The following TMEM108 variants were observed in gnomAD, a reference collection of about 807,000 sequenced individuals.
TMEM108 encodes the protein transmembrane protein 108, also known as cancer/testis antigen 124.
A neutral mutation model predicts 35.1 loss-of-function variants in TMEM108; 12 were observed. The observed-to-expected ratio is 0.34, with a 90% CI of 0.22 to 0.55. The LOEUF (loss-of-function observed/expected upper bound fraction) is 0.55. Ranked by LOEUF, TMEM108 falls within the 20% of genes least tolerant of loss-of-function variation. The pLI is 0.89. For missense variants in TMEM108, 680 were observed against 753.3 expected (o/e 0.90, Z 1.14); for synonymous variants, 287 against 308.6 (o/e 0.93, Z 0.73).
chr3:133,324,390 T>C (rs532022589), intron 3 of TMEM108, among the ~76,000 whole-genome samples: 1 of 152,262 alleles, frequency 6.6e-6, no homozygotes, highest in African/African-American at 2.4e-5. Context: ...AAAGAAGATA[T>C]ACAGATGGCC....
intron 2 of TMEM108, among the ~76,000 whole-genome samples, chr3:133,090,748 A>G (rs1297755086): frequency 1.3e-5 from 2 of 152,148 alleles, no homozygotes; most frequent in African/African-American, 4.8e-5. Flanking sequence ...ATAGGGATAT[A>G]TTTTTATTTT....
intron 2 of TMEM108, among the ~76,000 whole-genome samples, chr3:133,200,384 C>T (rs540723703): frequency 1.8e-4 from 28 of 152,264 alleles, no homozygotes; most frequent in African/African-American, 4.8e-4. Context: ...AACCAGAAAG[C>T]GAGCTCAGCC....
At chr3:133,116,913 G>T (rs1382624315) in intron 2 of TMEM108, among the ~76,000 whole-genome samples, 1 of 152,080 alleles carries the variant, frequency 6.6e-6, no homozygotes, top group Non-Finnish European at 1.5e-5. Flanking sequence ...GAGACTACGG[G>T]CGTGCACTAC....
At chr3:133,078,286 T>C (rs925228096) in intron 2 of TMEM108, among the ~76,000 whole-genome samples, 1 of 152,164 alleles carries the variant, frequency 6.6e-6, no homozygotes, top group African/African-American at 2.4e-5. Context: ...CTCAGTCCTT[T>C]CGGACATGCA....
chr3:133,056,657 C>T (rs1417640839), intron 2 of TMEM108, among the ~76,000 whole-genome samples: 2 of 152,208 alleles, frequency 1.3e-5, no homozygotes, highest in Non-Finnish European at 2.9e-5. Flanking sequence ...TTCACACCTT[C>T]CCTAACCACA....
intron 3 of TMEM108, among the ~76,000 whole-genome samples, chr3:133,229,913 C>G (rs773518141): frequency 3.9e-5 from 6 of 152,166 alleles, no homozygotes; most frequent in Non-Finnish European, 7.3e-5. Context: ...TTATGACTTT[C>G]TTTTTGCACA....
chr3:133,084,857 C>T (rs1372190234), intron 2 of TMEM108, among the ~76,000 whole-genome samples: 4 of 152,118 alleles, frequency 2.6e-5, no homozygotes, highest in Admixed American at 6.6e-5. Context: ...TCAAGACCAG[C>T]TCTTTTATTA....
intron 3 of TMEM108, among the ~76,000 whole-genome samples, chr3:133,254,856 C>G (rs1167281882): frequency 6.6e-6 from 1 of 152,114 alleles, no homozygotes; most frequent in South Asian, 2.1e-4. Flanking sequence ...GCTAGATGGC[C>G]TGAAGGCTGA....
At chr3:133,266,716 G>C (rs748042562) in intron 3 of TMEM108, among the ~76,000 whole-genome samples, 2 of 152,124 alleles carry the variant, frequency 1.3e-5, no homozygotes, top group Non-Finnish European at 2.9e-5. Flanking sequence ...ACAGTCAATG[G>C]ATTGCATATT....
chr3:133,381,717 T>A (rs1311024335), intron 4 of TMEM108, among the ~76,000 whole-genome samples: 5 of 152,164 alleles, frequency 3.3e-5, no homozygotes, highest in Admixed American at 2.0e-4. Flanking sequence ...CTGCCCCTCT[T>A]CTCTCCTTCT....
intron 2 of TMEM108, among the ~76,000 whole-genome samples, chr3:133,146,376 T>C (rs1944720282): frequency 1.3e-5 from 2 of 152,216 alleles, no homozygotes; most frequent in Admixed American, 6.5e-5. Flanking sequence ...CAGTATTTTA[T>C]TGAGGATTTT....
chr3:133,058,246 T>C (rs1943496463), intron 2 of TMEM108, among the ~76,000 whole-genome samples: 1 of 152,208 alleles, frequency 6.6e-6, no homozygotes, highest in Non-Finnish European at 1.5e-5. Context: ...CCTCTCTGTT[T>C]CTTGCCCTTT....
chr3:133,370,871 A>AGTGGGT (rs2072641446), intron 3 of TMEM108, among the ~76,000 whole-genome samples: 1 of 125,466 alleles, frequency 8.0e-6, no homozygotes, highest in Non-Finnish European at 1.7e-5. Context: ...CCCAGCCCAT[A>AGTGGGT]GTGTGTGTGT....
chr3:133,249,037 C>T (rs925958006), intron 3 of TMEM108, among the ~76,000 whole-genome samples: 5 of 152,168 alleles, frequency 3.3e-5, no homozygotes, highest in African/African-American at 1.2e-4. Context: ...CCTCCTCATC[C>T]AGTTTATTCC....
intron 2 of TMEM108, among the ~76,000 whole-genome samples, chr3:133,175,870 G>C (rs1241615942): frequency 6.6e-6 from 1 of 152,160 alleles, no homozygotes; most frequent in African/African-American, 2.4e-5. Flanking sequence ...AAAAGACACA[G>C]ACTGGCAAAT....
chr3:133,177,425 C>T (rs1430992584), intron 2 of TMEM108, among the ~76,000 whole-genome samples: 1 of 152,226 alleles, frequency 6.6e-6, no homozygotes, highest in Non-Finnish European at 1.5e-5. Flanking sequence ...CAATAAAATA[C>T]TGGCAAACCA....
intron 3 of TMEM108, among the ~76,000 whole-genome samples, chr3:133,324,102 A>G (rs948279989): frequency 6.6e-6 from 1 of 152,212 alleles, no homozygotes; most frequent in Non-Finnish European, 1.5e-5. Context: ...AAACTCTTCC[A>G]TACATTGGCT....
chr3:133,330,657 G>A (rs974214709), intron 3 of TMEM108, among the ~76,000 whole-genome samples: 2 of 152,074 alleles, frequency 1.3e-5, no homozygotes, highest in African/African-American at 4.8e-5. Context: ...TAAAGTGCTT[G>A]TGTCTTCCAA....
chr3:133,207,429 C>A (rs1396909345), intron 2 of TMEM108, among the ~76,000 whole-genome samples: 1 of 152,076 alleles, frequency 6.6e-6, no homozygotes, highest in Non-Finnish European at 1.5e-5. Context: ...CCTGTTTGGC[C>A]ATCTTGCCAG....
Sources: gnomAD v4.1 joint callset for allele counts (sites outside exome capture counted in the v4.1 genomes callset) on GRCh38, gnomAD v4.1.1 for gene constraint, MANE v1.5 for transcripts, NCBI Gene and HGNC (gene_info 2026-07-23, HGNC 2026-07-21) for gene names.